PIBF1: variants seen among roughly 807,000 people sequenced by gnomAD.
PIBF1 encodes progesterone-induced-blocking factor 1.
Under a neutral mutation model 112.5 loss-of-function variants are expected in PIBF1, and 90 were observed. The ratio of observed to expected loss-of-function variants is 0.80; its 90% confidence interval spans 0.67 to 0.95. The LOEUF (loss-of-function observed/expected upper bound fraction) is 0.95. PIBF1 is among the 40% of genes least tolerant of loss of function. The pLI is 0.00. For synonymous variants in PIBF1, 301 were observed against 288.6 expected, an observed-to-expected ratio of 1.04 and a Z score of -0.44; for missense variants, 915 against 852.3, an observed-to-expected ratio of 1.07 and a Z score of -0.92.
intron 16 of PIBF1, among the ~76,000 whole-genome samples, chr13:72,991,444 A>G (rs896880404): frequency 1.3e-5 from 2 of 152,206 alleles, no homozygotes. Context: ...TTCATTTGTT[A>G]ATGTTAATGA....
At chr13:72,909,208 G>T (rs935854815) in intron 12 of PIBF1, among the ~76,000 whole-genome samples, 11 of 152,206 alleles carry the variant, frequency 7.2e-5, no homozygotes, top group African/African-American at 2.6e-4. Context: ...GCTTTTATCT[G>T]TTCAATTTTT....
chr13:72,940,057 C>G (rs1351034770), intron 14 of PIBF1, among the ~76,000 whole-genome samples: 1 of 152,040 alleles, frequency 6.6e-6, no homozygotes. Flanking sequence ...TGTTGAACAT[C>G]TTACATATGT....
At chr13:72,991,277 A>G in intron 16 of PIBF1, among the ~76,000 whole-genome samples, 1 of 151,508 alleles carries the variant, frequency 6.6e-6, no homozygotes, top group Non-Finnish European at 1.5e-5. Flanking sequence ...TTGTTTATGC[A>G]GTCGTCATCA....
chr13:72,991,819 T>C (rs1354212024), intron 16 of PIBF1, among the ~76,000 whole-genome samples: 1 of 151,894 alleles, frequency 6.6e-6, no homozygotes, highest in Non-Finnish European at 1.5e-5. Flanking sequence ...CCCGGATTCA[T>C]GCCATTCTCC....
intron 16 of PIBF1, among the ~76,000 whole-genome samples, chr13:72,980,765 A>G (rs1170781925): frequency 6.6e-6 from 1 of 151,518 alleles, no homozygotes; most frequent in African/African-American, 2.4e-5. Context: ...AGATAGTACC[A>G]CTGCACTCCA....
At chr13:72,853,625 T>A (rs2038271894) in intron 9 of PIBF1, among the ~76,000 whole-genome samples, 1 of 152,186 alleles carries the variant, frequency 6.6e-6, no homozygotes, top group African/African-American at 2.4e-5. Context: ...ATTTCAATGA[T>A]TCTCTTGCTC....
At chr13:72,849,819 G>C (rs2138294538) in intron 9 of PIBF1, among the ~76,000 whole-genome samples, 1 of 152,234 alleles carries the variant, frequency 6.6e-6, no homozygotes, top group Non-Finnish European at 1.5e-5. Context: ...CATACTTCCT[G>C]TGTGACTTTA....
chr13:73,007,798 A>G (rs1275037478), intron 17 of PIBF1, among the ~76,000 whole-genome samples: 3 of 131,590 alleles, frequency 2.3e-5, no homozygotes, highest in African/African-American at 8.5e-5. Flanking sequence ...AACAAGAGCC[A>G]AACTCCATCT....
At chr13:72,842,242 G>A (rs2037645361) in intron 9 of PIBF1, among the ~76,000 whole-genome samples, 1 of 152,102 alleles carries the variant, frequency 6.6e-6, no homozygotes, top group South Asian at 2.1e-4. Flanking sequence ...ATTTAAGGTG[G>A]TCTTGTTAAC....
chr13:72,891,314 C>T (rs2040047340), intron 10 of PIBF1, among the ~76,000 whole-genome samples: 1 of 152,048 alleles, frequency 6.6e-6, no homozygotes. Flanking sequence ...AGATCAATAT[C>T]ACATTCTAAA....
intron 5 of PIBF1, among the ~76,000 whole-genome samples, chr13:72,814,606 T>A (rs1181371578): frequency 2.6e-5 from 4 of 151,882 alleles, no homozygotes; most frequent in African/African-American, 9.7e-5. Flanking sequence ...TAGAAACGTA[T>A]CTTTTGGATT....
At position 72,898,695 on chromosome 13, in the gene PIBF1, A is replaced by AAT. The variant is rs1555309471; in HGVS notation, c.1488+4747_1488+4748insTA. On this transcript the variant is annotated intron_variant, in intron 11 of 17. Coordinates refer to ENST00000326291, the MANE Select transcript of PIBF1 (RefSeq NM_006346.4). ...ATACTAAAAATGCAAAAAAAAAAAA[A>AAT]AAATAAAGCCGGGCATGTGGCTCAT... 6.2e-5 allele frequency among the ~76,000 whole-genome samples: 9 copies of AAT among 145,824 alleles called. No homozygotes were observed. In the South Asian group the frequency reaches 1.3e-3, roughly 21 times the overall value.
intron 11 of PIBF1, among the ~76,000 whole-genome samples, chr13:72,903,481 T>G (rs1033360146): frequency 6.6e-6 from 1 of 152,214 alleles, no homozygotes; most frequent in Non-Finnish European, 1.5e-5. Flanking sequence ...TAGAGCTTTC[T>G]GTAATGATGC....
intron 5 of PIBF1, among the ~76,000 whole-genome samples, chr13:72,805,184 C>T (rs1387453569): frequency 6.6e-6 from 1 of 152,158 alleles, no homozygotes; most frequent in Non-Finnish European, 1.5e-5. Context: ...GCTTTGTCGC[C>T]CAGGCTGGCA....
intron 12 of PIBF1, among the ~76,000 whole-genome samples, chr13:72,913,819 G>A (rs1047960194): frequency 4.0e-5 from 6 of 151,538 alleles, no homozygotes; most frequent in African/African-American, 1.5e-4. Flanking sequence ...CATTTTTTCA[G>A]TGTGTCCACA....
intron 14 of PIBF1, among the ~76,000 whole-genome samples, chr13:72,961,584 C>T (rs11148927): frequency 0.2 from 29,709 of 151,954 alleles, 3,047 homozygotes; most frequent in Middle Eastern, 0.26. Context: ...ACGTTTATCG[C>T]CAAATAGTAT....
intron 9 of PIBF1, 66 bp downstream of exon 9, chr13:72,835,434 A>C: frequency 8.2e-7 from 1 of 1,221,914 alleles, no homozygotes; most frequent in Non-Finnish European, 1.1e-6. Context: ...GCTTTATTGA[A>C]ATTAAATGCT....
At chr13:73,015,111 C>A (rs1420966165) in intron 17 of PIBF1, among the ~76,000 whole-genome samples, 3 of 150,242 alleles carry the variant, frequency 2.0e-5, no homozygotes. Context: ...ACCTCCATCT[C>A]CCGTGTTAAC....
At chr13:72,892,815 C>CACACACAT (rs55970357) in intron 10 of PIBF1, among the ~76,000 whole-genome samples, 6 of 146,828 alleles carry the variant, frequency 4.1e-5, no homozygotes, top group Admixed American at 2.0e-4. Context: ...CACACGCACA[C>CACACACAT]GCACACACAC....
Sources: gnomAD v4.1 joint callset for allele counts (sites outside exome capture counted in the v4.1 genomes callset) on GRCh38, gnomAD v4.1.1 for gene constraint, MANE v1.5 for transcripts, NCBI Gene and HGNC (gene_info 2026-07-23, HGNC 2026-07-21) for gene names.